DGKI: variants seen among roughly 807,000 people sequenced by gnomAD.
DGKI encodes DAG kinase iota.
DGKI carries 55 observed loss-of-function variants against 147.5 expected under a neutral mutation model. The ratio of observed to expected loss-of-function variants is 0.37; its 90% CI spans 0.30 to 0.47. The LOEUF is 0.47. DGKI is among the 20% of genes least tolerant of loss of function. The pLI is 1.00. For synonymous variants in DGKI, 469 were observed against 477.1 expected (o/e 0.98, Z 0.22); for missense variants, 1,007 against 1,323.8 (o/e 0.76, Z 3.71).
chr7:137,841,635 A>G (rs1269135391), intron 1 of DGKI, among the ~76,000 whole-genome samples: 1 of 152,210 alleles, frequency 6.6e-6, no homozygotes, highest in Non-Finnish European at 1.5e-5. Context: ...TAGTTCTTCC[A>G]GATGCTTCTG....
intron 1 of DGKI, among the ~76,000 whole-genome samples, chr7:137,729,911 A>C (rs1794822883): frequency 6.6e-6 from 1 of 152,108 alleles, no homozygotes; most frequent in Admixed American, 6.6e-5. Flanking sequence ...TTGCTCGTTG[A>C]CACTGATCAA....
At chr7:137,453,846 A>C (rs1814074420) in intron 27 of DGKI, among the ~76,000 whole-genome samples, 1 of 152,036 alleles carries the variant, frequency 6.6e-6, no homozygotes, top group Admixed American at 6.6e-5. Flanking sequence ...TTATTATCAT[A>C]ATTTCCCAGT....
chr7:137,743,435 T>A (rs867433037), intron 1 of DGKI, among the ~76,000 whole-genome samples: 17 of 152,228 alleles, frequency 1.1e-4, no homozygotes, highest in Admixed American at 6.5e-5. Flanking sequence ...AGCATCTTCT[T>A]GGACCATAGA....
chr7:137,741,239 G>T (rs1795164813), intron 1 of DGKI, among the ~76,000 whole-genome samples: 1 of 152,060 alleles, frequency 6.6e-6, no homozygotes, highest in East Asian at 1.9e-4. Context: ...ATTAGTAAAA[G>T]ATAATAAGAG....
At chr7:137,427,425 C>T (rs562701445) in intron 28 of DGKI, among the ~76,000 whole-genome samples, 1 of 152,204 alleles carries the variant, frequency 6.6e-6, no homozygotes, top group South Asian at 2.1e-4. Context: ...ATTTATAGCA[C>T]TAAATGCCCA....
intron 30 of DGKI, among the ~76,000 whole-genome samples, chr7:137,398,301 C>T (rs945721926): frequency 2.6e-5 from 4 of 152,140 alleles, no homozygotes; most frequent in African/African-American, 7.2e-5. Flanking sequence ...CGTAACAAAC[C>T]GTTTTAAAAT....
chr7:137,572,856 G>GA lies in DGKI; in HGVS notation c.1762-19dup, dbSNP rs937564254. 1 of 1,591,798 alleles carries GA rather than the reference G, an allele frequency of 6.3e-7. No homozygotes were observed. Among genetic ancestry groups the GA allele is most frequent in the Non-Finnish European group, 8.6e-7 (1 of 1,169,114 alleles). On this transcript the variant is annotated intron_variant, in intron 17 of 32. Transcript: ENST00000614521. The stretch of plus-strand genomic sequence containing the variant: ...CCATCACACTGAAACAATGAAAACA[G>GA]AAAAGGGGTTTTGAAGTAGTCACAA...
At chr7:137,402,204 GT>G (rs1811786240) in intron 30 of DGKI, among the ~76,000 whole-genome samples, 1 of 152,190 alleles carries the variant, frequency 6.6e-6, no homozygotes, top group Admixed American at 6.5e-5. Flanking sequence ...GAATTAAAAT[GT>G]TTTAATGAAT....
chr7:137,765,881 A>G (rs1272290089), intron 1 of DGKI, among the ~76,000 whole-genome samples: 1 of 152,098 alleles, frequency 6.6e-6, no homozygotes, highest in African/African-American at 2.4e-5. Flanking sequence ...TTCACCCCCA[A>G]AGCTTTATCT....
intron 1 of DGKI, among the ~76,000 whole-genome samples, chr7:137,811,388 A>T (rs56377109): frequency 0.033 from 1,243 of 38,030 alleles, 6 homozygotes; most frequent in Middle Eastern, 0.086. Context: ...TCTCTCTCAC[A>T]CACACACACA....
intron 13 of DGKI, 120 bp downstream of exon 13, chr7:137,586,977 A>T: frequency 1.4e-6 from 1 of 708,086 alleles, no homozygotes; most frequent in Non-Finnish European, 2.2e-6. Flanking sequence ...TTTGATTCTC[A>T]ACTCTAACTT....
At chr7:137,666,820 A>G (rs1220188918) in intron 3 of DGKI, among the ~76,000 whole-genome samples, 3 of 152,198 alleles carry the variant, frequency 2.0e-5, no homozygotes, top group African/African-American at 7.2e-5. Context: ...TTAAAAATCC[A>G]TAATTCTGTT....
At chr7:137,832,122 G>A (rs763076152) in intron 1 of DGKI, among the ~76,000 whole-genome samples, 2 of 152,196 alleles carry the variant, frequency 1.3e-5, no homozygotes, top group Non-Finnish European at 2.9e-5. Context: ...CCACAGGCTG[G>A]CATTGAGTGT....
intron 1 of DGKI, among the ~76,000 whole-genome samples, chr7:137,779,320 G>C (rs777030870): frequency 6.6e-6 from 1 of 152,034 alleles, no homozygotes; most frequent in East Asian, 1.9e-4. Context: ...CTATCTTATA[G>C]CAAGCATAAA....
intron 3 of DGKI, among the ~76,000 whole-genome samples, chr7:137,657,225 C>G (rs1822257488): frequency 6.6e-6 from 1 of 152,216 alleles, no homozygotes; most frequent in South Asian, 2.1e-4. Flanking sequence ...AATGGTAGTT[C>G]ACTTAACCCT....
chr7:137,391,241 C>G lies in DGKI; in HGVS notation c.3153G>C (p.Glu1051Asp). The change falls in exon 33 of 33, where the codon GAG becomes GAC. Residue 1051 changes from glutamate (E) to aspartate (D), a missense_variant. By Grantham distance (45) the Glu-to-Asp change is conservative (BLOSUM62 2). Coordinates refer to ENST00000614521, the MANE Select transcript of DGKI (RefSeq NM_001321708.2). The part of the protein sequence containing the change: ...SRQNYKVIGH[E>D]DLETAV ...AGGGTCAAACAGCAGTTTCCAGGTCCTCATGGCCAATGACCTTATAGTTCT... is the reference window on the plus strand; with the variant it reads ...AGGGTCAAACAGCAGTTTCCAGGTCGTCATGGCCAATGACCTTATAGTTCT... 1 of 1,613,874 alleles carries G rather than the reference C, an allele frequency of 6.2e-7. No individual in the cohort carries two copies. The highest frequency in any genetic ancestry group is 8.5e-7 in the Non-Finnish European group (1 of 1,179,880).
At chr7:137,660,936 G>T (rs527975773) in intron 3 of DGKI, among the ~76,000 whole-genome samples, 4 of 152,228 alleles carry the variant, frequency 2.6e-5, no homozygotes, top group African/African-American at 9.6e-5. Flanking sequence ...ACTTTCACAG[G>T]CCCATGATCT....
At position 137,493,228 on chromosome 7, in the gene DGKI, G is replaced by A. The variant is rs372269976; in HGVS notation, c.2249-5539C>T. Among the ~76,000 whole-genome samples, 15 of 152,064 alleles carry A rather than the reference G, an allele frequency of 9.9e-5. No homozygotes were observed. In the East Asian group the frequency reaches 2.7e-3, roughly 28 times the overall value. On this transcript the variant is annotated intron_variant, in intron 21 of 32. Transcript: ENST00000614521. ...CCTATGTTGCCATTGCCTCCAGTGT[G>A]AATGCACACATGGAGACCACCAGCC... is the stretch of plus-strand genomic sequence containing the variant.
At chr7:137,443,512 A>T (rs1813593522) in intron 28 of DGKI, among the ~76,000 whole-genome samples, 1 of 152,224 alleles carries the variant, frequency 6.6e-6, no homozygotes, top group Non-Finnish European at 1.5e-5. Context: ...ACAACTCCAA[A>T]GGTGAGATGG....
Sources: gnomAD v4.1 joint callset for allele counts (sites outside exome capture counted in the v4.1 genomes callset) on GRCh38, gnomAD v4.1.1 for gene constraint, MANE v1.5 for transcripts, NCBI Gene and HGNC (gene_info 2026-07-23, HGNC 2026-07-21) for gene names.